RPS6KA6: variants seen among roughly 807,000 people sequenced by gnomAD.
RPS6KA6 encodes ribosomal protein S6 kinase A6, also known as ribosomal protein S6 kinase alpha-6.
A neutral mutation model predicts 65.4 loss-of-function variants in RPS6KA6; 27 were observed. That is an observed-to-expected ratio of 0.41 (90% CI 0.30 to 0.57). The LOEUF (loss-of-function observed/expected upper bound fraction) is 0.57. Ranked by LOEUF, RPS6KA6 falls within the 20% of genes least tolerant of loss-of-function variation. RPS6KA6 has a pLI of 0.24. For synonymous variants in RPS6KA6, 190 were observed against 184.2 expected, an observed-to-expected ratio of 1.03 and a Z score of -0.26; for missense variants, 486 against 555.6, an observed-to-expected ratio of 0.87 and a Z score of 1.26.
chrX:84,089,606 G>A (rs2034001152), intron 20 of RPS6KA6, among the ~76,000 whole-genome samples: 1 of 110,597 alleles, frequency 9.0e-6, no homozygotes, highest in Non-Finnish European at 1.9e-5. Context: ...GGGCTCATGA[G>A]GGAATCTACT....
chrX:84,078,589 T>A (rs2147351045), intron 20 of RPS6KA6, among the ~76,000 whole-genome samples: 1 of 112,274 alleles, frequency 8.9e-6, no homozygotes, highest in Admixed American at 9.4e-5. Flanking sequence ...AAAAGAAATA[T>A]TATCCAGCAA....
chrX:84,171,193 G>A lies in RPS6KA6; in HGVS notation c.82-6806C>T, dbSNP rs1206527603. On this transcript the variant is annotated intron_variant, in intron 1 of 21. Coordinates refer to ENST00000262752, the MANE Select transcript of RPS6KA6 (RefSeq NM_014496.5). ...CCTTGATTACATTTTTGTGGGAATC[G>A]AAGCAGAGGACCAAGCTGACCCATG... Among the ~76,000 whole-genome samples, 6 of 111,179 alleles carry A rather than the reference G, an allele frequency of 5.4e-5. No individual in the cohort carries two copies. In the East Asian group the frequency reaches 8.5e-4, roughly 16 times the overall value.
intron 1 of RPS6KA6, among the ~76,000 whole-genome samples, chrX:84,186,351 C>T (rs1244462147): frequency 8.9e-6 from 1 of 112,203 alleles, no homozygotes; most frequent in African/African-American, 3.2e-5. Context: ...AAGTTACATA[C>T]ATGAATATAA....
At chrX:84,150,368 G>A (rs993786621) in intron 3 of RPS6KA6, among the ~76,000 whole-genome samples, 2 of 111,323 alleles carry the variant, frequency 1.8e-5, no homozygotes, top group East Asian at 2.8e-4. Flanking sequence ...TGGCTGTTTG[G>A]CACAAGAACC....
chrX:84,098,347 G>A (rs2034196894), intron 18 of RPS6KA6, among the ~76,000 whole-genome samples: 1 of 111,033 alleles, frequency 9.0e-6, no homozygotes, highest in Non-Finnish European at 1.9e-5. Flanking sequence ...TACCATACAA[G>A]GTCAATGTCT....
chrX:84,104,856 C>T lies in RPS6KA6; in HGVS notation c.1456-199G>A, dbSNP rs374758148. On this transcript the variant is annotated intron_variant, in intron 16 of 21. Transcript: ENST00000262752. ...GGCTAAACAGTCACCTACACAGTCC[C>T]ATGAAACCATGTTAAACATATAATT... is the stretch of plus-strand genomic sequence containing the variant. Among the ~76,000 whole-genome samples, 3 of 110,325 alleles carry T rather than the reference C, an allele frequency of 2.7e-5. No individual in the cohort carries two copies. In the East Asian group the frequency reaches 8.5e-4, roughly 31 times the overall value.
At chrX:84,143,036 T>C (rs2035134717) in intron 6 of RPS6KA6, among the ~76,000 whole-genome samples, 1 of 110,554 alleles carries the variant, frequency 9.0e-6, no homozygotes, top group Admixed American at 9.7e-5. Context: ...AAGAAAATCA[T>C]AAATATCCCT....
At chrX:84,101,958 C>A in intron 18 of RPS6KA6, 79 bp downstream of exon 18, 1 of 824,577 alleles carries the variant, frequency 1.2e-6, no homozygotes, top group African/African-American at 2.1e-5. Context: ...ATCTGCCTAC[C>A]ATAACATTCA....
chrX:84,107,840 A>C, intron 12 of RPS6KA6, 115 bp from the exon 13 acceptor site: 1 of 344,241 alleles, frequency 2.9e-6, no homozygotes, highest in Non-Finnish European at 5.0e-6. Flanking sequence ...TAACAATTTC[A>C]TAGTTTCAGA....
At chrX:84,179,726 TAG>T (rs933812649) in intron 1 of RPS6KA6, among the ~76,000 whole-genome samples, 4 of 111,833 alleles carry the variant, frequency 3.6e-5, no homozygotes, top group African/African-American at 1.3e-4. Context: ...CCAGAAGGTC[TAG>T]AGTTACTCTT....
rs769309652 is a variant in RPS6KA6, at chrX:84,097,723, G to A, written c.1853+49C>T. The A allele has an allele frequency of 2.0e-5, 16 of 783,902 alleles. No individual in the cohort carries two copies. The South Asian group carries it at 3.8e-4, about 19-fold the overall frequency. 64.6% of individuals were successfully genotyped at this position (783,902 alleles called of 1,213,427 possible). On this transcript the variant is annotated intron_variant, in intron 19 of 21. Transcript: ENST00000262752. ...TTCTCTTTCTAGATGAAGATATACA[G>A]ATGAAATTCAAATAACAATGTTAAT...
intron 18 of RPS6KA6, 141 bp from the exon 19 acceptor site, chrX:84,097,989 T>C: frequency 2.3e-6 from 1 of 443,272 alleles, no homozygotes; most frequent in East Asian, 3.7e-5. Flanking sequence ...AGTAAAGACA[T>C]AACCCCTGAC....
chrX:84,090,715 A>C (rs748454631), intron 20 of RPS6KA6, among the ~76,000 whole-genome samples: 3 of 111,777 alleles, frequency 2.7e-5, no homozygotes, highest in Non-Finnish European at 1.9e-5. Context: ...AATTGCCCCC[A>C]TGATTCAGTT....
chrX:84,170,182 A>G (rs974405138), intron 1 of RPS6KA6, among the ~76,000 whole-genome samples: 18 of 109,232 alleles, frequency 1.6e-4, no homozygotes, highest in African/African-American at 5.0e-4. Flanking sequence ...AAAAAAAAAA[A>G]AAAAGAAAAT....
chrX:84,173,353 T>C (rs1437652924), intron 1 of RPS6KA6, among the ~76,000 whole-genome samples: 1 of 110,724 alleles, frequency 9.0e-6, no homozygotes, highest in East Asian at 2.8e-4. Context: ...CTTTGAAAAG[T>C]TTATTAAGCT....
At chrX:84,170,392 G>A (rs1485428750) in intron 1 of RPS6KA6, among the ~76,000 whole-genome samples, 3 of 110,230 alleles carry the variant, frequency 2.7e-5, no homozygotes, top group Non-Finnish European at 5.7e-5. Context: ...CACTTTGGGA[G>A]GCTGAGGCGG....
intron 16 of RPS6KA6, 46 bp downstream of exon 16, chrX:84,105,741 C>T (rs2034346676): frequency 1.3e-6 from 1 of 755,929 alleles, no homozygotes; most frequent in Non-Finnish European, 2.0e-6. Context: ...AGTTCCAATT[C>T]ATAACTTCAT....
In RPS6KA6 at chrX:84,059,633, A is replaced by G. The variant is rs1472628897; in HGVS notation, c.*4644T>C. On this transcript the variant is annotated 3_prime_UTR_variant, in exon 22 of 22. Transcript: ENST00000262752. ...CATTTTGACAATTTTTTAATAAACG[A>G]ATGCAGTTAGTACATTCTCTATAAT... The G allele has an allele frequency of 9.2e-6, 1 of 108,587 alleles. No homozygotes were observed. Among genetic ancestry groups the G allele is most frequent in the Non-Finnish European group, 1.9e-5 (1 of 52,216 alleles). 8.9% of individuals were successfully genotyped at this position (108,587 alleles called of 1,213,427 possible). A position where few individuals can be genotyped will look rare whatever the true frequency, so the allele number is the denominator to read the frequency against.
At chrX:84,172,755 TATATACATACAATGGA>T (rs2035706858) in intron 1 of RPS6KA6, among the ~76,000 whole-genome samples, 1 of 111,869 alleles carries the variant, frequency 8.9e-6, no homozygotes, top group Admixed American at 9.5e-5. Flanking sequence ...CAAAATGTGG[TATATACATACAATGGA>T]ATATCATTCA....
Sources: gnomAD v4.1 joint callset for allele counts (sites outside exome capture counted in the v4.1 genomes callset) on GRCh38, gnomAD v4.1.1 for gene constraint, MANE v1.5 for transcripts, NCBI Gene and HGNC (gene_info 2026-07-23, HGNC 2026-07-21) for gene names.